PKD1L1: variants seen among roughly 807,000 people sequenced by gnomAD.
The protein encoded by PKD1L1 is polycystin 1 like 1, transient receptor potential channel interacting.
In PKD1L1, 236 loss-of-function variants were observed where a neutral mutation model predicts 323.4. That is an observed-to-expected ratio of 0.73 (90% CI 0.66 to 0.81). The LOEUF is 0.81. Among genes scored for constraint, PKD1L1 ranks in the 40% least tolerant of loss-of-function variants. The pLI, the probability that PKD1L1 is intolerant of heterozygous loss-of-function variation, is 0.00. For synonymous variants in PKD1L1, 1,344 were observed against 1,335.0 expected (o/e 1.01, Z -0.15); for missense variants, 3,320 against 3,508.0 (o/e 0.95, Z 1.35).
At chr7:47,822,449 G>GGC (rs1785160835) in intron 45 of PKD1L1, among the ~76,000 whole-genome samples, 2 of 150,962 alleles carry the variant, frequency 1.3e-5, no homozygotes, top group Non-Finnish European at 3.0e-5. Context: ...AAAAAAAAGA[G>GGC]CCAGGCATGG....
intron 56 of PKD1L1, among the ~76,000 whole-genome samples, chr7:47,782,559 C>T (rs1302857573): frequency 6.6e-6 from 1 of 152,178 alleles, no homozygotes; most frequent in African/African-American, 2.4e-5. Flanking sequence ...CCTACAGTCC[C>T]AGAGATTTGT....
intron 15 of PKD1L1, among the ~76,000 whole-genome samples, chr7:47,891,247 G>C (rs1171340058): frequency 6.6e-6 from 1 of 152,174 alleles, no homozygotes; most frequent in Non-Finnish European, 1.5e-5. Flanking sequence ...CTAGTGAGGG[G>C]TCTGTGAGAT....
At chr7:47,951,628 G>A (rs1409340409), upstream of PKD1L1, among the ~76,000 whole-genome samples, 4 of 152,198 alleles carry the variant, frequency 2.6e-5, no homozygotes, top group African/African-American at 9.7e-5. Flanking sequence ...AGTTTACACA[G>A]CACAGGGTTC....
the PKD1L1 span, among the ~76,000 whole-genome samples, chr7:47,959,775 G>A: frequency 1.4e-5 from 2 of 140,716 alleles, no homozygotes; most frequent in African/African-American, 2.6e-5. Context: ...CCGGCCAGCC[G>A]CCCCGTCCGG....
At chr7:47,950,583 G>A (rs968047190), upstream of PKD1L1, among the ~76,000 whole-genome samples, 4 of 152,232 alleles carry the variant, frequency 2.6e-5, no homozygotes, top group Admixed American at 1.3e-4. Context: ...GGTGATGCAC[G>A]CCTGTAATCC....
chr7:47,799,571 G>A (rs185450790), intron 54 of PKD1L1, among the ~76,000 whole-genome samples: 3 of 152,306 alleles, frequency 2.0e-5, no homozygotes, highest in African/African-American at 7.2e-5. Context: ...AAAACCAATA[G>A]CACAAGACAA....
intron 23 of PKD1L1, among the ~76,000 whole-genome samples, chr7:47,874,302 T>A (rs921705796): frequency 4.6e-5 from 7 of 152,100 alleles, no homozygotes; most frequent in Admixed American, 1.3e-4. Flanking sequence ...ATAAGACCTA[T>A]TTGGGGGACC....
intron 48 of PKD1L1, chr7:47,813,601 C>T: frequency 1.5e-6 from 1 of 663,254 alleles, no homozygotes; most frequent in Non-Finnish European, 2.8e-6. Flanking sequence ...ATACCCTCCC[C>T]ATTAGAAAAA....
chr7:47,859,627 A>AT (rs34815905), intron 26 of PKD1L1, among the ~76,000 whole-genome samples: 32,729 of 123,542 alleles, frequency 0.26, 4,925 homozygotes, highest in Admixed American at 0.36. Context: ...AAAGACATAC[A>AT]TTTTTTTTTT....
At chr7:47,925,231 C>T (rs533079526) in intron 7 of PKD1L1, among the ~76,000 whole-genome samples, 3 of 151,876 alleles carry the variant, frequency 2.0e-5, no homozygotes, top group Non-Finnish European at 2.9e-5. Flanking sequence ...ATGTTCAGGC[C>T]GGGTGCAGTG....
chr7:47,865,492 T>C (rs962290049), intron 25 of PKD1L1, among the ~76,000 whole-genome samples: 4 of 152,072 alleles, frequency 2.6e-5, no homozygotes, highest in African/African-American at 9.7e-5. Flanking sequence ...CCCCTAGACA[T>C]CCTCAGCACA....
intron 19 of PKD1L1, 132 bp from the exon 20 acceptor site, chr7:47,882,217 T>C (rs1583645237): frequency 1.0e-6 from 1 of 963,214 alleles, no homozygotes. Flanking sequence ...ATATAATGTC[T>C]TCAGCAGCCA....
upstream of PKD1L1, among the ~76,000 whole-genome samples, chr7:47,952,095 T>A (rs1788212997): frequency 6.6e-6 from 1 of 152,210 alleles, no homozygotes; most frequent in Non-Finnish European, 1.5e-5. Context: ...CATCTTTTTT[T>A]AATTAACACC....
At chr7:47,816,107 G>A (rs931064002) in intron 46 of PKD1L1, among the ~76,000 whole-genome samples, 1 of 152,174 alleles carries the variant, frequency 6.6e-6, no homozygotes, top group African/African-American at 2.4e-5. Flanking sequence ...GGAGGCTCTG[G>A]GACACACAGA....
chr7:47,916,922 T>C (rs1787441334), intron 7 of PKD1L1, among the ~76,000 whole-genome samples: 2 of 152,104 alleles, frequency 1.3e-5, no homozygotes, highest in Admixed American at 6.5e-5. Flanking sequence ...CAAGGTTCTT[T>C]AACACCTCCA....
rs768390122 is a variant in PKD1L1, at chr7:47,830,045, G to C, written c.6553C>G (p.Leu2185Val). 6.2e-7 allele frequency: 1 copy of C among 1,614,142 alleles called. No individual in the cohort carries two copies. The highest frequency in any genetic ancestry group is 1.1e-5 in the South Asian group (1 of 91,072). Residue 2185 changes from leucine (L) to valine (V), a missense_variant, in exon 43 of 57, where the codon CTT becomes GTT. Leu to Val is a conservative substitution (Grantham distance 32). Coordinates refer to ENST00000289672, the MANE Select transcript of PKD1L1 (RefSeq NM_138295.5). The part of the protein sequence containing the change: ...VVCCIFITQP[L>V]MVCLMALGFA... ...CCATGGAGGGTGTTTCTTACCATAA[G>C]TGGCTGGGTGATGAAAATACAGCAG...
chr7:47,932,925 G>A (rs1252004026), intron 4 of PKD1L1, among the ~76,000 whole-genome samples: 1 of 152,210 alleles, frequency 6.6e-6, no homozygotes, highest in Non-Finnish European at 1.5e-5. Flanking sequence ...CACAGGCCCA[G>A]GGTCAGAGGC....
rs572611853 is a variant in PKD1L1, at chr7:47,800,845, T to A, written c.7997A>T (p.His2666Leu). 6 of 1,613,910 alleles carry A rather than the reference T, an allele frequency of 3.7e-6. No individual in the cohort carries two copies. The Admixed American group carries it at 5.0e-5, about 13-fold the overall frequency. The change falls in exon 54 of 57, where the codon CAC becomes CTC. Residue 2666 changes from histidine to leucine, a missense_variant. Coordinates refer to ENST00000289672, the MANE Select transcript of PKD1L1 (RefSeq NM_138295.5). Reference protein sequence around the residue: ...VGALMLAALSHLHRFLLSMWV... With the variant: ...VGALMLAALSLLHRFLLSMWV... ...CATAGAGAGCAGAAATCGGTGCAGGTGGGAGAGGGCGGCCAGCATCAGTGC... is the reference window on the plus strand; with the variant it reads ...CATAGAGAGCAGAAATCGGTGCAGGAGGGAGAGGGCGGCCAGCATCAGTGC...
At chr7:47,892,384 T>C (rs1786839705) in intron 15 of PKD1L1, among the ~76,000 whole-genome samples, 1 of 152,058 alleles carries the variant, frequency 6.6e-6, no homozygotes, top group Non-Finnish European at 1.5e-5. Context: ...CAGTGAGCTG[T>C]GGAGGCAGGA....
Sources: allele counts gnomAD v4.1 joint callset (sites outside exome capture counted in the v4.1 genomes callset), GRCh38; gene constraint gnomAD v4.1.1; transcripts MANE v1.5; gene names NCBI Gene and HGNC (gene_info 2026-07-23, HGNC 2026-07-21).